The following SCN2A variants were observed in gnomAD, a reference collection of about 807,000 sequenced individuals.
SCN2A encodes sodium voltage-gated channel alpha subunit 2.
Under a neutral mutation model 188.7 loss-of-function variants are expected in SCN2A, and 20 were observed. That is an observed-to-expected ratio of 0.11 (90% CI 0.07 to 0.15). SCN2A has a LOEUF of 0.15. Ranked by LOEUF, SCN2A falls within the 10% of genes least tolerant of loss-of-function variation. The probability of loss-of-function intolerance (pLI) is 1.00; values close to 1 mark genes in which losing one functional copy is unlikely to be tolerated. For synonymous variants in SCN2A, 804 were observed against 833.1 expected (o/e 0.97, Z 0.60); for missense variants, 1,278 against 2,445.0 (o/e 0.52, Z 10.07).
At chr2:165,244,197 G>A (rs989629694) in intron 1 of SCN2A, among the ~76,000 whole-genome samples, 11 of 152,012 alleles carry the variant, frequency 7.2e-5, no homozygotes, top group South Asian at 4.2e-4. Flanking sequence ...GACTGAGATC[G>A]TGCCACTGCA....
intron 16 of SCN2A, among the ~76,000 whole-genome samples, chr2:165,346,654 T>C (rs1574646801): frequency 6.6e-6 from 1 of 152,128 alleles, no homozygotes; most frequent in African/African-American, 2.4e-5. Context: ...GAAACTATCA[T>C]CAGAGTGAAC....
chr2:165,366,688 A>G (rs1347671860), intron 18 of SCN2A, among the ~76,000 whole-genome samples: 1 of 138,560 alleles, frequency 7.2e-6, no homozygotes, highest in East Asian at 2.2e-4. Context: ...ACTGCACTCC[A>G]GCCCGGACAA....
chr2:165,373,900 A>G (rs1234893348), intron 21 of SCN2A, among the ~76,000 whole-genome samples: 3 of 152,098 alleles, frequency 2.0e-5, no homozygotes, highest in African/African-American at 7.2e-5. Context: ...CTGAGACCAC[A>G]TACCCTCACC....
chr2:165,308,848 C>T, intron 5 of SCN2A, 54 bp downstream of exon 5: 1 of 1,605,422 alleles, frequency 6.2e-7, no homozygotes, highest in Non-Finnish European at 8.5e-7. Context: ...TGGTGGGAGC[C>T]TATACTATAT....
chr2:165,268,188 TAA>T (rs1559326888), intron 1 of SCN2A: 1 of 151,892 alleles, frequency 6.6e-6, no homozygotes, highest in African/African-American at 2.4e-5. Flanking sequence ...ATCATTCTAT[TAA>T]GTCAGTATCA....
At position 165,291,035 on chromosome 2, in the gene SCN2A, C is replaced by CTTTTTTTTTTTTTT. The variant is rs55979694; in HGVS notation, c.-51-4727_-51-4714dup. ...GGTGTTTTTTTCTTTTCTTTTCTTT[C>CTTTTTTTTTTTTTT]TTTTTTTTTTTTTTTTTTTTTTTTG... is the stretch of plus-strand genomic sequence containing the variant. On this transcript the variant is annotated intron_variant, in intron 1 of 26. Transcript: ENST00000375437. 2.6e-4 allele frequency among the ~76,000 whole-genome samples: 21 copies of CTTTTTTTTTTTTTT among 79,948 alleles called. 1 individual carries two copies. The highest frequency in any genetic ancestry group is 4.5e-4 in the East Asian group (1 of 2,240). 52.4% of individuals were successfully genotyped at this position (79,948 alleles called of 152,430 possible).
chr2:165,246,772 G>A (rs1366417415), intron 1 of SCN2A, among the ~76,000 whole-genome samples: 1 of 152,088 alleles, frequency 6.6e-6, no homozygotes, highest in Non-Finnish European at 1.5e-5. Flanking sequence ...GCATGCAAAA[G>A]TGGGTCCTTC....
chr2:165,244,694 C>A (rs1468460461), intron 1 of SCN2A, among the ~76,000 whole-genome samples: 1 of 152,024 alleles, frequency 6.6e-6, no homozygotes, highest in Non-Finnish European at 1.5e-5. Context: ...ATAAAATGAT[C>A]TTAGGAAGAA....
chr2:165,291,485 T>C (rs1696156274), intron 1 of SCN2A, among the ~76,000 whole-genome samples: 1 of 58,254 alleles, frequency 1.7e-5, no homozygotes. Flanking sequence ...TTTCTTTCTT[T>C]CTTTCTTTTC....
intron 23 of SCN2A, 58 bp from the exon 24 acceptor site, chr2:165,380,534 T>A: frequency 7.2e-6 from 9 of 1,256,762 alleles, no homozygotes; most frequent in African/African-American, 1.5e-5. Flanking sequence ...AACTCACTGA[T>A]GTACTTTTTG....
chr2:165,366,436 A>G (rs1403517090), intron 18 of SCN2A, among the ~76,000 whole-genome samples: 5 of 152,192 alleles, frequency 3.3e-5, no homozygotes, highest in Non-Finnish European at 7.3e-5. Flanking sequence ...GAAGTATTCA[A>G]TAATGGTGGA....
Position 165,354,576 on chromosome 2 carries a change from A to C in SCN2A, c.3304A>C (p.Thr1102Pro). ...YMSFINNPSLTVTVPIAVGES... is the reference protein window; with the variant it reads ...YMSFINNPSLPVTVPIAVGES... ...GTCATTTATAAACAACCCTAGCCTC[A>C]CTGTGACAGTACCAATTGCTGTTGG... The change falls in exon 17 of 27, where the codon ACT (threonine) becomes CCT (proline). Residue 1102 changes from threonine (T) to proline (P), a missense_variant. Thr to Pro is a conservative substitution (Grantham distance 38). This residue lies in a region of SCN2A where 228 missense variants were observed against 297.3 expected (regional missense o/e 0.77). Transcript: ENST00000375437. 6.2e-7 allele frequency: 1 copy of C among 1,614,122 alleles called. No individual in the cohort carries two copies.
At chr2:165,384,799 G>A (rs1459904221) in intron 25 of SCN2A, among the ~76,000 whole-genome samples, 3 of 152,154 alleles carry the variant, frequency 2.0e-5, no homozygotes, top group Non-Finnish European at 4.4e-5. Context: ...TCATGAGACA[G>A]AGAAGGAGTG....
Position 165,310,654 on chromosome 2 carries a change from T to C in SCN2A, c.970+59T>C, listed in dbSNP as rs1697376828. On this transcript the variant is annotated intron_variant, in intron 7 of 26. Coordinates refer to ENST00000375437, the MANE Select transcript of SCN2A (RefSeq NM_001040142.2). ...AGTTCTCTAAATATTAAATATTATA[T>C]ATAATGGAAATTATCTCAATTTAGA... 3.2e-6 allele frequency: 4 copies of C among 1,230,946 alleles called. No individual in the cohort carries two copies. In the South Asian group the frequency reaches 6.6e-5, roughly 20 times the overall value. The allele number at this position is 1,230,946 out of a possible 1,614,324, so 76.3% of individuals were successfully genotyped here. A position where few individuals can be genotyped will look rare whatever the true frequency, so the allele number is the denominator to read the frequency against.
intron 12 of SCN2A, among the ~76,000 whole-genome samples, chr2:165,323,733 A>G (rs1182890303): frequency 1.3e-5 from 2 of 152,226 alleles, no homozygotes; most frequent in Admixed American, 6.5e-5. Flanking sequence ...ATCTTTCATC[A>G]TTATTACTAT....
At chr2:165,300,786 C>T (rs1696768469) in intron 3 of SCN2A, among the ~76,000 whole-genome samples, 1 of 152,088 alleles carries the variant, frequency 6.6e-6, no homozygotes, top group Non-Finnish European at 1.5e-5. Context: ...GAGGACACCA[C>T]ATTTACTCTG....
At chr2:165,375,984 T>C (rs1574719113) in intron 22 of SCN2A, among the ~76,000 whole-genome samples, 1 of 151,924 alleles carries the variant, frequency 6.6e-6, no homozygotes, top group East Asian at 1.9e-4. Context: ...GTCACTTATA[T>C]ATGGAATCTA....
intron 1 of SCN2A, among the ~76,000 whole-genome samples, chr2:165,279,862 C>T (rs1319324105): frequency 6.6e-6 from 1 of 152,174 alleles, no homozygotes; most frequent in Non-Finnish European, 1.5e-5. Flanking sequence ...GTAACTGAAT[C>T]ATGTGGGCAG....
intron 1 of SCN2A, among the ~76,000 whole-genome samples, chr2:165,246,772 G>C (rs1366417415): frequency 6.6e-6 from 1 of 152,088 alleles, no homozygotes; most frequent in Non-Finnish European, 1.5e-5. Flanking sequence ...GCATGCAAAA[G>C]TGGGTCCTTC....
Sources: allele counts gnomAD v4.1 joint callset (sites outside exome capture counted in the v4.1 genomes callset), GRCh38; gene constraint gnomAD v4.1.1; regional missense constraint gnomAD v4.1.1; transcripts MANE v1.5; gene names NCBI Gene and HGNC (gene_info 2026-07-23, HGNC 2026-07-21).